The following SPATS2 variants were observed in gnomAD, a reference collection of about 807,000 sequenced individuals.
The protein encoded by SPATS2 is spermatogenesis associated serine rich 2.
In SPATS2, 38 loss-of-function variants were observed where a neutral mutation model predicts 63.7. The ratio of observed to expected loss-of-function variants is 0.60; its 90% CI spans 0.46 to 0.78. The LOEUF is 0.78. SPATS2 is among the 30% of genes least tolerant of loss of function. The probability of loss-of-function intolerance (pLI) is 0.00; values close to 1 mark genes in which losing one functional copy is unlikely to be tolerated. For synonymous variants in SPATS2, 207 were observed against 232.9 expected (o/e 0.89, Z 1.01); for missense variants, 588 against 666.2 (o/e 0.88, Z 1.29).
chr12:49,380,189 C>CA (rs1256198277), intron 2 of SPATS2, among the ~76,000 whole-genome samples: 2 of 130,410 alleles, frequency 1.5e-5, no homozygotes, highest in African/African-American at 5.9e-5. Context: ...TTTTTTGAGA[C>CA]AAAATCTCAC....
At chr12:49,390,860 T>C (rs1299443527) in intron 2 of SPATS2, among the ~76,000 whole-genome samples, 2 of 152,204 alleles carry the variant, frequency 1.3e-5, no homozygotes, top group Non-Finnish European at 2.9e-5. Flanking sequence ...ATAGACATTT[T>C]AGTAGGTTAA....
At chr12:49,457,438 C>CT (rs529474329) in intron 2 of SPATS2, among the ~76,000 whole-genome samples, 13,891 of 145,828 alleles carry the variant, frequency 0.095, 738 homozygotes, top group African/African-American at 0.15. Flanking sequence ...CTTTCATCCT[C>CT]TTTTTTTTTT....
chr12:49,514,297 A>G (rs781688878), intron 9 of SPATS2: 38 of 372,216 alleles, frequency 1.0e-4, no homozygotes, highest in African/African-American at 7.2e-4. Context: ...TTAGACGTCT[A>G]CAATTGGTGT....
chr12:49,371,356 A>G (rs890435499), intron 2 of SPATS2, 66 bp downstream of exon 2: 3 of 152,342 alleles, frequency 2.0e-5, no homozygotes, highest in East Asian at 1.9e-4. Context: ...TATCTTCACA[A>G]TTCATCCATG....
At chr12:49,497,559 T>A (rs1406621987) in intron 8 of SPATS2, among the ~76,000 whole-genome samples, 2 of 152,034 alleles carry the variant, frequency 1.3e-5, no homozygotes, top group Non-Finnish European at 2.9e-5. Flanking sequence ...CATGCCCGGC[T>A]ATTTTTTTGT....
intron 2 of SPATS2, among the ~76,000 whole-genome samples, chr12:49,375,186 G>C (rs951318199): frequency 9.1e-6 from 1 of 109,296 alleles, no homozygotes; most frequent in Non-Finnish European, 1.9e-5. Flanking sequence ...GTGTGTGTGT[G>C]TGTGTGTGTG....
At chr12:49,409,666 A>G (rs1944762652) in intron 2 of SPATS2, among the ~76,000 whole-genome samples, 1 of 125,056 alleles carries the variant, frequency 8.0e-6, no homozygotes, top group African/African-American at 3.1e-5. Context: ...GCTGTGGCGC[A>G]ATGTCAGCTA....
intron 2 of SPATS2, among the ~76,000 whole-genome samples, chr12:49,394,319 A>G (rs924078795): frequency 6.7e-6 from 1 of 148,696 alleles, no homozygotes; most frequent in Non-Finnish European, 1.5e-5. Flanking sequence ...AGTCTGGGGA[A>G]CAGAGCAAGA....
chr12:49,514,374 A>G (rs557805403), intron 9 of SPATS2, 181 bp from the exon 10 acceptor site: 33 of 556,438 alleles, frequency 5.9e-5, no homozygotes, highest in Admixed American at 1.0e-4. Flanking sequence ...TTTATGGGAA[A>G]ATCTTAAAAT....
At chr12:49,389,991 G>A in intron 2 of SPATS2, 1 of 834,726 alleles carries the variant, frequency 1.2e-6, no homozygotes, top group African/African-American at 1.7e-5. Context: ...ACAAGCAACA[G>A]GATTGCAAGG....
At position 49,494,911 on chromosome 12, in the gene SPATS2, C is replaced by T. The variant is rs899814186; in HGVS notation, c.435C>T (p.Asp145=). The change falls in exon 7 of 14, where the codon GAC becomes GAT. Residue 145 remains aspartate (D), a synonymous_variant. Coordinates refer to ENST00000552918, the MANE Select transcript of SPATS2 (RefSeq NM_023071.4). The part of the protein sequence containing the change: ...NGAINDTESV[D]SLSEGLETLS... ...CCATCAATGACACTGAGTCTGTGGA[C>T]TCACTCAGTGAAGGTTTGGAGACAC... 1.9e-6 allele frequency: 3 copies of T among 1,613,880 alleles called. No individual in the cohort carries two copies. The African/African-American group carries it at 4.0e-5, about 22-fold the overall frequency.
intron 2 of SPATS2, among the ~76,000 whole-genome samples, chr12:49,379,409 G>T (rs1280536492): frequency 6.7e-6 from 1 of 148,730 alleles, no homozygotes; most frequent in Non-Finnish European, 1.5e-5. Flanking sequence ...TAATTAGCCG[G>T]GCATGGTAGC....
intron 8 of SPATS2, among the ~76,000 whole-genome samples, chr12:49,497,275 C>T (rs141118597): frequency 1.9e-3 from 287 of 152,310 alleles, no homozygotes; most frequent in African/African-American, 6.4e-3. Flanking sequence ...GAATGATTTA[C>T]CTGCTAACAT....
At chr12:49,405,979 T>C (rs1944688075) in intron 2 of SPATS2, among the ~76,000 whole-genome samples, 1 of 152,150 alleles carries the variant, frequency 6.6e-6, no homozygotes, top group South Asian at 2.1e-4. Flanking sequence ...TAACTAAAGA[T>C]ATTTGGAAAA....
intron 7 of SPATS2, among the ~76,000 whole-genome samples, chr12:49,495,496 T>TC (rs1171965097): frequency 6.6e-6 from 1 of 152,130 alleles, no homozygotes; most frequent in Non-Finnish European, 1.5e-5. Context: ...CGCGCCTGGC[T>TC]GAAAAAATAC....
chr12:49,485,349 C>T (rs1565744841), intron 4 of SPATS2, among the ~76,000 whole-genome samples: 1 of 151,522 alleles, frequency 6.6e-6, no homozygotes, highest in Non-Finnish European at 1.5e-5. Context: ...CCACCATGCC[C>T]GGCCGAAATA....
At chr12:49,448,850 A>G (rs1003197781) in intron 2 of SPATS2, among the ~76,000 whole-genome samples, 1 of 152,228 alleles carries the variant, frequency 6.6e-6, no homozygotes, top group Non-Finnish European at 1.5e-5. Flanking sequence ...AATCATTAAA[A>G]AATTGGGAAT....
intron 2 of SPATS2, among the ~76,000 whole-genome samples, chr12:49,382,369 T>C (rs1051082030): frequency 2.0e-5 from 3 of 152,264 alleles, no homozygotes; most frequent in Non-Finnish European, 4.4e-5. Context: ...CTCCCAGTTT[T>C]CTTCCCCATG....
At chr12:49,403,640 C>CACACAA (rs1555180265) in intron 2 of SPATS2, among the ~76,000 whole-genome samples, 7 of 142,936 alleles carry the variant, frequency 4.9e-5, no homozygotes, top group African/African-American at 1.3e-4. Context: ...CACACACACA[C>CACACAA]AAACAAAACT....
Sources: gnomAD v4.1 joint callset for allele counts (sites outside exome capture counted in the v4.1 genomes callset) on GRCh38, gnomAD v4.1.1 for gene constraint, MANE v1.5 for transcripts, NCBI Gene and HGNC (gene_info 2026-07-23, HGNC 2026-07-21) for gene names.